Variants in NT5E observed in about 807,000 individuals in gnomAD.
NT5E encodes 5'-nucleotidase.
NT5E carries 53 observed loss-of-function variants against 55.1 expected under a neutral mutation model. The ratio of observed to expected loss-of-function variants is 0.96; its 90% CI spans 0.77 to 1.21. NT5E has a LOEUF of 1.21. NT5E is among the 50% of genes most tolerant of loss of function. The probability of loss-of-function intolerance (pLI) is 0.00; values close to 1 mark genes in which losing one functional copy is unlikely to be tolerated. For missense variants in NT5E, 683 were observed against 724.3 expected (o/e 0.94, Z 0.65); for synonymous variants, 270 against 278.4 (o/e 0.97, Z 0.30).
Position 85,494,029 on chromosome 6 carries a change from G to A in NT5E, c.*25G>A. 4 of 1,611,200 alleles carry A rather than the reference G, an allele frequency of 2.5e-6. No homozygotes were observed. In the South Asian group the frequency reaches 4.4e-5, roughly 18 times the overall value. On this transcript the variant is annotated 3_prime_UTR_variant, in exon 9 of 9. Transcript: ENST00000257770. ...GCCAAAAATTCTCCTTGCCTTTAAT[G>A]TGTGAAACTGCATTTTTTCAAGTGA...
chr6:85,481,187 GC>G (rs1488178481), intron 3 of NT5E, among the ~76,000 whole-genome samples: 3 of 152,210 alleles, frequency 2.0e-5, no homozygotes, highest in Admixed American at 6.5e-5. Flanking sequence ...AGACACAGCT[GC>G]CCCTGCCCTC....
At chr6:85,474,616 G>A (rs963012125) in intron 3 of NT5E, among the ~76,000 whole-genome samples, 4 of 152,100 alleles carry the variant, frequency 2.6e-5, no homozygotes, top group Non-Finnish European at 4.4e-5. Flanking sequence ...CATACTCATC[G>A]TTTTGATGAG....
rs950821240 is a variant in NT5E, at chr6:85,495,714, A to C, written c.*1710A>C. 1 of 152,160 alleles carries C rather than the reference A, an allele frequency of 6.6e-6. No individual in the cohort carries two copies. Among genetic ancestry groups the C allele is most frequent in the Non-Finnish European group, 1.5e-5 (1 of 68,020 alleles). The allele number at this position is 152,160 out of a possible 1,614,324, so 9.4% of individuals were successfully genotyped here. On this transcript the variant is annotated 3_prime_UTR_variant, in exon 9 of 9. Coordinates refer to ENST00000257770, the MANE Select transcript of NT5E (RefSeq NM_002526.4). ...TCCTAAATCTGTGTGTGTATTGTGA[A>C]GTGGTATAAGAAATGACTTTGAACC... is the stretch of plus-strand genomic sequence containing the variant.
chr6:85,489,670 G>A, intron 6 of NT5E, 71 bp downstream of exon 6: 1 of 1,110,970 alleles, frequency 9.0e-7, no homozygotes, highest in Non-Finnish European at 1.4e-6. Context: ...TATGGTTCTT[G>A]CCCTGAACAC....
In NT5E at chr6:85,495,172, C is replaced by A. The variant is rs143368737; in HGVS notation, c.*1168C>A. On this transcript the variant is annotated 3_prime_UTR_variant, in exon 9 of 9. Coordinates refer to ENST00000257770, the MANE Select transcript of NT5E (RefSeq NM_002526.4). ...GAAGAGGTATACATTTTTTAAGTCG[C>A]TCTGCCTCCAAATCTGAACAGTCAC... 4.9e-4 allele frequency: 74 copies of A among 152,356 alleles called. No individual in the cohort carries two copies. Among genetic ancestry groups the A allele is most frequent in the African/African-American group, 1.7e-3 (70 of 41,584 alleles). The allele number at this position is 152,356 out of a possible 1,614,324, so 9.4% of individuals were successfully genotyped here.
chr6:85,477,443 G>A (rs529840825), intron 3 of NT5E, among the ~76,000 whole-genome samples: 1 of 152,062 alleles, frequency 6.6e-6, no homozygotes, highest in African/African-American at 2.4e-5. Flanking sequence ...TAATTTTAAT[G>A]ACCACAGAAT....
intron 1 of NT5E, among the ~76,000 whole-genome samples, chr6:85,456,049 C>T (rs1194159493): frequency 1.3e-5 from 2 of 152,142 alleles, no homozygotes; most frequent in Non-Finnish European, 2.9e-5. Flanking sequence ...CTACCTCTCC[C>T]ACTTCTAGAG....
intron 3 of NT5E, among the ~76,000 whole-genome samples, chr6:85,484,708 C>A (rs1769614241): frequency 6.6e-6 from 1 of 152,124 alleles, no homozygotes; most frequent in South Asian, 2.1e-4. Context: ...GATTGCTATT[C>A]CCTTATAAGG....
At chr6:85,453,996 C>T (rs374694109) in intron 1 of NT5E, among the ~76,000 whole-genome samples, 10 of 152,256 alleles carry the variant, frequency 6.6e-5, no homozygotes, top group Admixed American at 2.0e-4. Context: ...TACTTTTGTC[C>T]TGAACTTATT....
chr6:85,485,307 T>C lies in NT5E; in HGVS notation c.824T>C (p.Val275Ala), dbSNP rs761418553. The C allele has an allele frequency of 6.2e-7, 1 of 1,614,154 alleles. No homozygotes were observed. Residue 275 changes from valine (V) to alanine (A), a missense_variant, in exon 4 of 9, where the codon GTT becomes GCT. Physicochemically the swap from Val to Ala is moderately conservative, Grantham distance 64. Transcript: ENST00000257770. ...FIVTSDDGRK[V>A]PVVQAYAFGK... The stretch of plus-strand genomic sequence containing the variant: ...GTCACTTCTGATGATGGGCGGAAGG[T>C]TCCTGTAGTCCAGGCCTATGCTTTT...
chr6:85,473,095 G>T (rs1422830981), intron 3 of NT5E, among the ~76,000 whole-genome samples: 1 of 152,202 alleles, frequency 6.6e-6, no homozygotes, highest in Non-Finnish European at 1.5e-5. Flanking sequence ...GGATAACATT[G>T]CAATCAAAGA....
In NT5E at chr6:85,495,749, T is replaced by C. The variant is rs988775734; in HGVS notation, c.*1745T>C. The C allele has an allele frequency of 2.0e-4, 30 of 152,314 alleles. No individual in the cohort carries two copies. The highest frequency in any genetic ancestry group is 6.3e-4 in the African/African-American group (26 of 41,568). The allele number at this position is 152,314 out of a possible 1,614,324, so 9.4% of individuals were successfully genotyped here. On this transcript the variant is annotated 3_prime_UTR_variant, in exon 9 of 9. Transcript: ENST00000257770. ...GAAATGACTTTGAACCACTTTGCAA[T>C]TGTAGATTCCCAACAATAAAATTGA...
At chr6:85,478,624 G>T (rs888046759) in intron 3 of NT5E, among the ~76,000 whole-genome samples, 4 of 152,036 alleles carry the variant, frequency 2.6e-5, no homozygotes, top group East Asian at 1.9e-4. Flanking sequence ...TTTTAAAATG[G>T]TGACAGTGAT....
At chr6:85,476,905 C>T (rs1330962575) in intron 3 of NT5E, among the ~76,000 whole-genome samples, 1 of 151,952 alleles carries the variant, frequency 6.6e-6, no homozygotes, top group East Asian at 1.9e-4. Flanking sequence ...GGATGGGGGG[C>T]AGGGCGGGCC....
rs1769875354 is a variant in NT5E, at chr6:85,495,544, T to C, written c.*1540T>C. On this transcript the variant is annotated 3_prime_UTR_variant, in exon 9 of 9. Transcript: ENST00000257770. ...CAGCAAAATAATAGCCTCGGTTCTA[T>C]GCATATATGGATTAGCTATAAAAAA... 6.6e-6 allele frequency: 1 copy of C among 152,224 alleles called. No homozygotes were observed. 9.4% of individuals were successfully genotyped at this position (152,224 alleles called of 1,614,324 possible).
At chr6:85,482,433 G>A (rs904057226) in intron 3 of NT5E, among the ~76,000 whole-genome samples, 2 of 152,072 alleles carry the variant, frequency 1.3e-5, no homozygotes, top group South Asian at 2.1e-4. Flanking sequence ...GAAAAAAAAA[G>A]AAAGAGAAAG....
chr6:85,480,601 G>A (rs1769526661), intron 3 of NT5E, among the ~76,000 whole-genome samples: 1 of 152,168 alleles, frequency 6.6e-6, no homozygotes, highest in African/African-American at 2.4e-5. Context: ...TGGGTGCAGG[G>A]GACTTCTAGG....
chr6:85,465,091 T>C (rs1398090646), intron 1 of NT5E, among the ~76,000 whole-genome samples: 3 of 152,178 alleles, frequency 2.0e-5, no homozygotes, highest in African/African-American at 7.2e-5. Context: ...TGAGATCATT[T>C]ACTCAGTCCA....
chr6:85,474,615 C>T (rs1017587066), intron 3 of NT5E, among the ~76,000 whole-genome samples: 6 of 152,248 alleles, frequency 3.9e-5, no homozygotes, highest in African/African-American at 9.6e-5. Context: ...TCATACTCAT[C>T]GTTTTGATGA....
Sources: allele counts gnomAD v4.1 joint callset (sites outside exome capture counted in the v4.1 genomes callset), GRCh38; gene constraint gnomAD v4.1.1; transcripts MANE v1.5; gene names NCBI Gene and HGNC (gene_info 2026-07-23, HGNC 2026-07-21).